MINDY4: variants seen among roughly 807,000 people sequenced by gnomAD.
MINDY4 encodes MINDY lysine 48 deubiquitinase 4.
In MINDY4, 68 loss-of-function variants were observed where a neutral mutation model predicts 87.0. The ratio of observed to expected loss-of-function variants is 0.78; its 90% CI spans 0.64 to 0.96. MINDY4 has a LOEUF of 0.96. Among genes scored for constraint, MINDY4 ranks in the 40% least tolerant of loss-of-function variants. The pLI is 0.00. For missense variants in MINDY4, 919 were observed against 928.2 expected (o/e 0.99, Z 0.13); for synonymous variants, 379 against 363.2 (o/e 1.04, Z -0.50).
intron 5 of MINDY4, among the ~76,000 whole-genome samples, chr7:30,815,840 G>A (rs948477266): frequency 2.8e-4 from 42 of 152,194 alleles, no homozygotes; most frequent in African/African-American, 9.7e-4. Context: ...AACTGGGAGG[G>A]CCACAAAGTC....
At chr7:30,808,406 A>T (rs529095349) in intron 5 of MINDY4, among the ~76,000 whole-genome samples, 1 of 151,918 alleles carries the variant, frequency 6.6e-6, no homozygotes, top group South Asian at 2.1e-4. Flanking sequence ...ATTTCTTGAT[A>T]CTCTGATTTT....
chr7:30,881,715 G>A (rs1257695705), intron 15 of MINDY4, among the ~76,000 whole-genome samples: 2 of 152,200 alleles, frequency 1.3e-5, no homozygotes, highest in Non-Finnish European at 2.9e-5. Flanking sequence ...TCCAACAAGG[G>A]ATTTGGGAGA....
At chr7:30,820,831 T>G (rs2128560649) in intron 5 of MINDY4, among the ~76,000 whole-genome samples, 1 of 152,366 alleles carries the variant, frequency 6.6e-6, no homozygotes, top group East Asian at 1.9e-4. Context: ...TTTGAGTCCC[T>G]GTTTTCAGTT....
chr7:30,823,420 T>G (rs1788401382), intron 5 of MINDY4, among the ~76,000 whole-genome samples: 1 of 152,196 alleles, frequency 6.6e-6, no homozygotes, highest in Non-Finnish European at 1.5e-5. Flanking sequence ...GAAAAGAGCT[T>G]GTCCATCTTC....
intron 12 of MINDY4, 126 bp from the exon 13 acceptor site, chr7:30,859,131 A>C: frequency 1.1e-6 from 1 of 889,358 alleles, no homozygotes. Context: ...CAGCAACCCC[A>C]GGGCTGGGCT....
In MINDY4 at chr7:30,851,867, A is replaced by G. The variant is rs372008579; in HGVS notation, c.1548-349A>G. On this transcript the variant is annotated intron_variant, in intron 10 of 17. Coordinates refer to ENST00000265299, the MANE Select transcript of MINDY4 (RefSeq NM_032222.3). ...TGGAGTTCCTCCATCAGTGAAAACA[A>G]AGGGCAAGTCAGCATTCCGCAGTCT... Among the ~76,000 whole-genome samples the G allele has an allele frequency of 1.6e-4, 25 of 152,350 alleles. No individual in the cohort carries two copies. In the East Asian group the frequency reaches 3.7e-3, roughly 22 times the overall value.
At position 30,775,720 on chromosome 7, in the gene MINDY4, A is replaced by C. The variant is rs527462038; in HGVS notation, c.64-2712A>C. 3.9e-5 allele frequency among the ~76,000 whole-genome samples: 6 copies of C among 152,274 alleles called. No individual in the cohort carries two copies. In the East Asian group the frequency reaches 1.2e-3, roughly 29 times the overall value. ...TAGGGGTCCCCATCCACTAGTCATC[A>C]CATTAGCATACAGAAGACATTCTTA... On this transcript the variant is annotated intron_variant, in intron 1 of 17. Coordinates refer to ENST00000265299, the MANE Select transcript of MINDY4 (RefSeq NM_032222.3).
intron 1 of MINDY4, among the ~76,000 whole-genome samples, chr7:30,771,885 G>C (rs1584217155): frequency 6.6e-6 from 1 of 152,210 alleles, no homozygotes; most frequent in Admixed American, 6.5e-5. Flanking sequence ...GGCGCACAGC[G>C]GGCAGGCCTG....
At position 30,850,846 on chromosome 7, in the gene MINDY4, G is replaced by T. The variant is rs568424427; in HGVS notation, c.1547+291G>T. On this transcript the variant is annotated intron_variant, in intron 10 of 17. Transcript: ENST00000265299. Reference sequence around the variant, plus strand: ...GGAGCTCTGGGGTGACCCCTCAGAGGAAGCCTCTGACCCCTGCAGCCAGCT... The same window carrying T: ...GGAGCTCTGGGGTGACCCCTCAGAGTAAGCCTCTGACCCCTGCAGCCAGCT... Among the ~76,000 whole-genome samples, 202 of 152,282 alleles carry T rather than the reference G, an allele frequency of 1.3e-3. 1 individual carries two copies. Among genetic ancestry groups the T allele is most frequent in the African/African-American group, 4.7e-3 (194 of 41,544 alleles).
chr7:30,802,750 A>G (rs1329070753), intron 5 of MINDY4, among the ~76,000 whole-genome samples: 1 of 152,200 alleles, frequency 6.6e-6, no homozygotes, highest in Non-Finnish European at 1.5e-5. Context: ...ATACAAAACT[A>G]GTTACATGAC....
chr7:30,786,149 G>A, intron 4 of MINDY4, 157 bp downstream of exon 4: 2 of 980,146 alleles, frequency 2.0e-6, no homozygotes, highest in Admixed American at 5.0e-5. Context: ...TTTCTCCCTG[G>A]CTCTACTGTC....
intron 13 of MINDY4, among the ~76,000 whole-genome samples, chr7:30,871,605 A>G (rs569550830): frequency 4.3e-4 from 65 of 152,266 alleles, no homozygotes; most frequent in African/African-American, 1.5e-3. Context: ...TTCACCTTGC[A>G]TCTTTTGAAG....
chr7:30,818,145 T>G (rs1346622315), intron 5 of MINDY4, among the ~76,000 whole-genome samples: 1 of 152,188 alleles, frequency 6.6e-6, no homozygotes, highest in African/African-American at 2.4e-5. Context: ...GAAACATATA[T>G]GGATATTTAT....
chr7:30,887,235 C>T (rs1490047186), intron 17 of MINDY4, among the ~76,000 whole-genome samples: 1 of 152,128 alleles, frequency 6.6e-6, no homozygotes, highest in East Asian at 1.9e-4. Context: ...GGAGCATTCT[C>T]TGGGCGCTGT....
chr7:30,771,796 CCCT>C (rs1786644226), intron 1 of MINDY4, among the ~76,000 whole-genome samples: 2 of 152,362 alleles, frequency 1.3e-5, no homozygotes, highest in Middle Eastern at 3.4e-3. Context: ...CCGTCCGCTG[CCCT>C]CCTGGGGCAT....
rs200254192 is a variant in MINDY4 at position 30,833,387 on chromosome 7, A to C, written c.1133-3271A>C. 7.2e-5 allele frequency among the ~76,000 whole-genome samples: 11 copies of C among 152,066 alleles called. No individual in the cohort carries two copies. The East Asian group carries it at 1.9e-3, about 27-fold the overall frequency. On this transcript the variant is annotated intron_variant, in intron 6 of 17. Transcript: ENST00000265299. ...TGTGTAGGCAAGCTTCTGTTTTTAA[A>C]AGCCATCATATGTCATGAGACTTAC...
rs201320237 is a variant in MINDY4 at position 30,839,146 on chromosome 7, C to T, written c.1240-54C>T. 175 of 1,198,292 alleles carry T rather than the reference C, an allele frequency of 1.5e-4. 1 individual carries two copies. The highest frequency in any genetic ancestry group is 4.3e-4 in the Admixed American group (20 of 46,592). 74.2% of individuals were successfully genotyped at this position (1,198,292 alleles called of 1,614,324 possible). On this transcript the variant is annotated intron_variant, in intron 7 of 17. Coordinates refer to ENST00000265299, the MANE Select transcript of MINDY4 (RefSeq NM_032222.3). ...CTGCAGGAATATGCACACTGAACAT[C>T]GTATTGTTGCTTGCTTTTAAAACAA...
At chr7:30,828,917 C>T (rs1788604379) in intron 6 of MINDY4, among the ~76,000 whole-genome samples, 180 bp downstream of exon 6, 3 of 152,084 alleles carry the variant, frequency 2.0e-5, no homozygotes, top group African/African-American at 7.2e-5. Flanking sequence ...ACTGCTTGCC[C>T]TTCTCTCCTG....
At chr7:30,870,756 TCTC>T (rs1239738314) in intron 13 of MINDY4, among the ~76,000 whole-genome samples, 5 of 152,252 alleles carry the variant, frequency 3.3e-5, no homozygotes, top group African/African-American at 9.6e-5. Context: ...AAGTTTATCT[TCTC>T]CTCTACTGAA....
Sources: allele counts gnomAD v4.1 joint callset (sites outside exome capture counted in the v4.1 genomes callset), GRCh38; gene constraint gnomAD v4.1.1; transcripts MANE v1.5; gene names NCBI Gene and HGNC (gene_info 2026-07-23, HGNC 2026-07-21).